The following COL5A1 variants were observed in gnomAD, a reference collection of about 807,000 sequenced individuals.
The protein encoded by COL5A1 is collagen type V alpha 1 chain, also known as collagen alpha-1(V) chain.
COL5A1 carries 16 observed loss-of-function variants against 263.7 expected under a neutral mutation model. The observed-to-expected ratio is 0.06, with a 90% CI of 0.04 to 0.09. The LOEUF (loss-of-function observed/expected upper bound fraction) is 0.09. Ranked by LOEUF, COL5A1 falls within the 10% of genes least tolerant of loss-of-function variation. COL5A1 has a pLI of 1.00. For synonymous variants in COL5A1, 1,012 were observed against 1,004.5 expected (o/e 1.01, Z -0.14); for missense variants, 2,036 against 2,540.5 (o/e 0.80, Z 4.27).
intron 11 of COL5A1, among the ~76,000 whole-genome samples, chr9:134,739,046 C>A (rs935375236): frequency 2.0e-5 from 3 of 152,220 alleles, no homozygotes; most frequent in African/African-American, 7.2e-5. Flanking sequence ...CAGTGCTCAG[C>A]CCAGACGGTG....
rs192855430 is a variant in COL5A1 at position 134,812,541 on chromosome 9, C to T, written c.3744+39C>T. On this transcript the variant is annotated intron_variant, in intron 47 of 65. Transcript: ENST00000371817. The stretch of plus-strand genomic sequence containing the variant: ...AGACTCCAAGGCCTTGCCGTACTAG[C>T]GGCTCATGTTTTGGGGAAACATTTG... The T allele has an allele frequency of 7.8e-4, 1,255 of 1,612,642 alleles. 13 individuals are homozygous for T. In the African/African-American group the frequency reaches 0.014, roughly 18 times the overall value.
chr9:134,753,766 G>GGCCCCCCCCCCCCCCC, intron 14 of COL5A1, 84 bp from the exon 15 acceptor site: 1 of 615,312 alleles, frequency 1.6e-6, no homozygotes, highest in Non-Finnish European at 3.0e-6. Flanking sequence ...CCCTCCCCCT[G>GGCCCCCCCCCCCCCCC]CCCCTCCCCT....
intron 2 of COL5A1, among the ~76,000 whole-genome samples, chr9:134,694,672 T>C (rs1382843659): frequency 1.3e-5 from 2 of 152,208 alleles, no homozygotes; most frequent in African/African-American, 4.8e-5. Context: ...CCACGGTTGC[T>C]GACCGATCAT....
intron 42 of COL5A1, among the ~76,000 whole-genome samples, chr9:134,808,676 G>A (rs1214964463): frequency 1.3e-5 from 2 of 152,210 alleles, no homozygotes; most frequent in Non-Finnish European, 2.9e-5. Context: ...GTTCACATGT[G>A]TGCATGTATG....
In COL5A1 at chr9:134,645,428, C is replaced by A. The variant is rs548961964; in HGVS notation, c.109+3132C>A. 4.6e-5 allele frequency among the ~76,000 whole-genome samples: 7 copies of A among 152,340 alleles called. No individual in the cohort carries two copies. In the South Asian group the frequency reaches 1.4e-3, roughly 32 times the overall value. On this transcript the variant is annotated intron_variant, in intron 1 of 65. Coordinates refer to ENST00000371817, the MANE Select transcript of COL5A1 (RefSeq NM_000093.5). Reference sequence around the variant, plus strand: ...CTGTGCAGAGCAGTGAGCTGCCCCGCTGGAGGGCGAGGATGAGTCCCCAAC... The same window carrying A: ...CTGTGCAGAGCAGTGAGCTGCCCCGATGGAGGGCGAGGATGAGTCCCCAAC...
At position 134,741,697 on chromosome 9, in the gene COL5A1, C is replaced by G. The variant is rs12684637; in HGVS notation, c.1494+2889C>G. On this transcript the variant is annotated intron_variant, in intron 11 of 65. Coordinates refer to ENST00000371817, the MANE Select transcript of COL5A1 (RefSeq NM_000093.5). The surrounding 1 kb of genome is among the most constrained non-coding windows in gnomAD (Gnocchi z 4.5). ...CTCTTCTTGCGTCCGTCGATTCTTA[C>G]TTGGCTTCAGCAGAAAATAGTCGTT... Among the ~76,000 whole-genome samples the G allele has an allele frequency of 6.6e-6, 1 of 152,064 alleles. No individual in the cohort carries two copies. The highest frequency in any genetic ancestry group is 1.5e-5 in the Non-Finnish European group (1 of 67,986).
intron 11 of COL5A1, among the ~76,000 whole-genome samples, chr9:134,740,206 C>T (rs1207233157): frequency 6.6e-6 from 1 of 151,848 alleles, no homozygotes; most frequent in Admixed American, 6.6e-5. Flanking sequence ...CAGCGAGTGG[C>T]CGCTGCTCTT....
rs751277764 is a variant in COL5A1 at position 134,730,311 on chromosome 9, G to A, written c.1000G>A (p.Gly334Ser). The change falls in exon 7 of 66, where the codon GGC (glycine) becomes AGC (serine). Residue 334 changes from glycine to serine, a missense_variant. Physicochemically the swap from Gly to Ser is moderately conservative, Grantham distance 56. This residue lies in a region of COL5A1 where 600 missense variants were observed against 634.5 expected (regional missense o/e 0.95). Transcript: ENST00000371817. ...AGGGGCTGGGAAGGAAGAGGACGTC[G>A]GCATCGGGGACTATGACTACGTGCC... Reference protein sequence around the residue: ...SEGAGKEEDVGIGDYDYVPSE... With the variant: ...SEGAGKEEDVSIGDYDYVPSE... 3.7e-5 allele frequency: 59 copies of A among 1,614,116 alleles called. No individual in the cohort carries two copies. Among genetic ancestry groups the A allele is most frequent in the Middle Eastern group, 1.6e-4 (1 of 6,084 alleles).
intron 11 of COL5A1, among the ~76,000 whole-genome samples, chr9:134,743,555 T>A (rs1835368151): frequency 1.3e-5 from 2 of 152,182 alleles, no homozygotes; most frequent in Admixed American, 6.5e-5. Context: ...CCCAGCCGCC[T>A]CAGGGTCAGA....
Position 134,841,020 on chromosome 9 carries a change from G to A in COL5A1, c.5371-1137G>A, listed in dbSNP as rs149612868. 4.6e-5 allele frequency among the ~76,000 whole-genome samples: 7 copies of A among 152,306 alleles called. No homozygotes were observed. The highest frequency in any genetic ancestry group is 2.0e-4 in the Admixed American group (3 of 15,304). On this transcript the variant is annotated intron_variant, in intron 65 of 65. Coordinates refer to ENST00000371817, the MANE Select transcript of COL5A1 (RefSeq NM_000093.5). The surrounding 1 kb of genome is among the most constrained non-coding windows in gnomAD (Gnocchi z 4.8). ...GCTGCTGTCTGCTATCCGAATCTCC[G>A]GCCTGGGAGTCTGCGCTGGGCCCTC... is the stretch of plus-strand genomic sequence containing the variant.
intron 18 of COL5A1, among the ~76,000 whole-genome samples, chr9:134,761,152 G>A (rs80342344): frequency 0.13 from 17,694 of 132,936 alleles, 1,905 homozygotes; most frequent in African/African-American, 0.29. Context: ...TACACGCCAC[G>A]CACACGCATA....
chr9:134,792,893 G>C (rs528925489), intron 32 of COL5A1, among the ~76,000 whole-genome samples: 2 of 30,938 alleles, frequency 6.5e-5, no homozygotes, highest in African/African-American at 2.4e-4. Context: ...GTGTGTGTGC[G>C]CGCGTGTGTG....
intron 4 of COL5A1, among the ~76,000 whole-genome samples, chr9:134,723,677 C>T (rs1411585970): frequency 1.3e-5 from 2 of 152,186 alleles, no homozygotes; most frequent in Non-Finnish European, 2.9e-5. Context: ...CCCCTGAACC[C>T]TGGCTGCACC....
intron 65 of COL5A1, among the ~76,000 whole-genome samples, chr9:134,839,342 C>A (rs1839948355): frequency 1.3e-5 from 2 of 152,154 alleles, no homozygotes. Flanking sequence ...CTCGCAGCGG[C>A]CTACTTTAAA....
At chr9:134,766,379 G>A (rs1285948026) in intron 21 of COL5A1, 75 bp from the exon 22 acceptor site, 7 of 1,459,598 alleles carry the variant, frequency 4.8e-6, no homozygotes, top group Non-Finnish European at 6.7e-6. Flanking sequence ...GCTGAGTTGA[G>A]TGGGATTTTC....
intron 7 of COL5A1, 41 bp downstream of exon 7, chr9:134,730,516 G>A: frequency 6.2e-7 from 1 of 1,612,422 alleles, no homozygotes; most frequent in Non-Finnish European, 8.5e-7. Flanking sequence ...TGGGGCAGTG[G>A]GCCAAGGGCC....
At chr9:134,800,687 G>A (rs1376744506) in intron 37 of COL5A1, among the ~76,000 whole-genome samples, 4 of 145,982 alleles carry the variant, frequency 2.7e-5, no homozygotes, top group Non-Finnish European at 6.0e-5. Context: ...GGAGGCTGCC[G>A]TGAGCCGAGA....
rs535645239 is a variant in COL5A1 at position 134,735,169 on chromosome 9, C to T, written c.1389+3042C>T. Among the ~76,000 whole-genome samples the T allele has an allele frequency of 7.6e-4, 114 of 150,830 alleles. 1 individual carries two copies. Among genetic ancestry groups the T allele is most frequent in the African/African-American group, 2.4e-3 (98 of 40,900 alleles). On this transcript the variant is annotated intron_variant, in intron 9 of 65. Coordinates refer to ENST00000371817, the MANE Select transcript of COL5A1 (RefSeq NM_000093.5). ...CGGAGGTTGCAGTGAGCCAAGATTG[C>T]GCCACTGCACTCCAGCCTGGACAGC...
In COL5A1 at chr9:134,647,818, T is replaced by G. The variant is rs1831527237; in HGVS notation, c.109+5522T>G. On this transcript the variant is annotated intron_variant, in intron 1 of 65. Coordinates refer to ENST00000371817, the MANE Select transcript of COL5A1 (RefSeq NM_000093.5). The surrounding 1 kb of genome is among the most constrained non-coding windows in gnomAD (Gnocchi z 5.0). Reference sequence around the variant, plus strand: ...CCATATAATTGACTCGTCTGCTCTCTCTCAGTGCTTTGCCAAGTGTCGGTT... The same window carrying G: ...CCATATAATTGACTCGTCTGCTCTCGCTCAGTGCTTTGCCAAGTGTCGGTT... Among the ~76,000 whole-genome samples the G allele has an allele frequency of 6.6e-6, 1 of 152,238 alleles. No individual in the cohort carries two copies. The highest frequency in any genetic ancestry group is 6.5e-5 in the Admixed American group (1 of 15,282).
Sources: gnomAD v4.1 joint callset for allele counts (sites outside exome capture counted in the v4.1 genomes callset) on GRCh38, gnomAD v4.1.1 for gene constraint, gnomAD v4.1.1 regional missense constraint, Gnocchi (gnomAD v3.1) non-coding constraint, MANE v1.5 for transcripts, NCBI Gene and HGNC (gene_info 2026-07-23, HGNC 2026-07-21) for gene names.